The following PRKN variants were observed in gnomAD, a reference collection of about 807,000 sequenced individuals.
The protein encoded by PRKN is E3 ubiquitin-protein ligase parkin.
PRKN carries 56 observed loss-of-function variants against 59.5 expected under a neutral mutation model. That is an observed-to-expected ratio of 0.94 (90% confidence interval 0.76 to 1.18). The LOEUF (loss-of-function observed/expected upper bound fraction) is 1.18, where lower values mean the gene tolerates loss of function less well. Ranked by LOEUF, PRKN falls within the 50% of genes most tolerant of loss-of-function variation. PRKN has a pLI of 0.00. For synonymous variants in PRKN, 250 were observed against 222.1 expected (o/e 1.13, Z -1.12); for missense variants, 657 against 596.4 (o/e 1.10, Z -1.06).
chr6:161,625,804 C>T (rs115787767), intron 7 of PRKN, among the ~76,000 whole-genome samples: 4,834 of 152,124 alleles, frequency 0.032, 133 homozygotes, highest in South Asian at 0.075. Context: ...TCTGCTCAGG[C>T]CTATTCATAG....
intron 2 of PRKN, among the ~76,000 whole-genome samples, chr6:162,412,382 A>G (rs953126372): frequency 5.3e-5 from 8 of 151,952 alleles, no homozygotes; most frequent in African/African-American, 1.7e-4. Flanking sequence ...CACCCACAGG[A>G]AGTGGGGACT....
At chr6:161,959,516 A>T (rs922226568) in intron 6 of PRKN, among the ~76,000 whole-genome samples, 1 of 152,136 alleles carries the variant, frequency 6.6e-6, no homozygotes, top group African/African-American at 2.4e-5. Flanking sequence ...ATCTTTCCCA[A>T]ATACTTTTCT....
At chr6:161,662,980 A>G (rs762090181) in intron 7 of PRKN, among the ~76,000 whole-genome samples, 2 of 152,198 alleles carry the variant, frequency 1.3e-5, no homozygotes, top group South Asian at 2.1e-4. Flanking sequence ...AGGTAAGTGA[A>G]TCATAGGGGT....
chr6:162,578,228 C>A (rs1202014581), intron 1 of PRKN, among the ~76,000 whole-genome samples: 5 of 151,894 alleles, frequency 3.3e-5, no homozygotes, highest in African/African-American at 7.3e-5. Flanking sequence ...AAAACATGTA[C>A]AAAACTATGT....
chr6:162,417,001 TC>T (rs2128157575), intron 2 of PRKN, among the ~76,000 whole-genome samples: 1 of 152,270 alleles, frequency 6.6e-6, no homozygotes, highest in Non-Finnish European at 1.5e-5. Context: ...GCTCTTCTGC[TC>T]CAGCATCCTA....
At chr6:162,495,158 T>G (rs904578676) in intron 1 of PRKN, among the ~76,000 whole-genome samples, 1 of 152,232 alleles carries the variant, frequency 6.6e-6, no homozygotes, top group African/African-American at 2.4e-5. Flanking sequence ...AATTTTCCTC[T>G]TTCAGCTCTT....
chr6:161,640,584 T>C lies in PRKN; in HGVS notation c.872-71168A>G, dbSNP rs1000294926. Among the ~76,000 whole-genome samples, 18 of 152,274 alleles carry C rather than the reference T, an allele frequency of 1.2e-4. No homozygotes were observed. In the East Asian group the frequency reaches 3.5e-3, roughly 29 times the overall value. ...TCAGCTTGAGAATAAAAAGGGAGTATATCCCACTGGGACTCTGGCAGCAGT... is the reference window on the plus strand; with the variant it reads ...TCAGCTTGAGAATAAAAAGGGAGTACATCCCACTGGGACTCTGGCAGCAGT... On this transcript the variant is annotated intron_variant, in intron 7 of 11. Transcript: ENST00000366898.
intron 1 of PRKN, among the ~76,000 whole-genome samples, chr6:162,609,278 T>A (rs995434105): frequency 7.9e-5 from 12 of 152,292 alleles, no homozygotes; most frequent in African/African-American, 2.6e-4. Flanking sequence ...ATATTCCATC[T>A]CTTCCTGACC....
Position 161,676,229 on chromosome 6 carries a change from T to C in PRKN, c.872-106813A>G, listed in dbSNP as rs529679781. On this transcript the variant is annotated intron_variant, in intron 7 of 11. Coordinates refer to ENST00000366898, the MANE Select transcript of PRKN (RefSeq NM_004562.3). ...ACCCAAGAGAAGTAGGATGTAGTGCTATCTAACAATGTCTCTCCAACAAGG... is the reference window on the plus strand; with the variant it reads ...ACCCAAGAGAAGTAGGATGTAGTGCCATCTAACAATGTCTCTCCAACAAGG... 4.6e-5 allele frequency among the ~76,000 whole-genome samples: 7 copies of C among 152,382 alleles called. No homozygotes were observed. In the South Asian group the frequency reaches 1.4e-3, roughly 32 times the overall value.
intron 1 of PRKN, among the ~76,000 whole-genome samples, chr6:162,720,491 C>A (rs1288295131): frequency 6.8e-6 from 1 of 147,686 alleles, no homozygotes; most frequent in African/African-American, 2.5e-5. Flanking sequence ...TCGCCCAGGC[C>A]GGACTGCGGA....
At chr6:161,701,874 T>C (rs555300284) in intron 7 of PRKN, among the ~76,000 whole-genome samples, 1 of 152,272 alleles carries the variant, frequency 6.6e-6, no homozygotes, top group African/African-American at 2.4e-5. Flanking sequence ...AAAAAATCTA[T>C]GGGAATTTGA....
chr6:161,510,601 A>G (rs1778348650), intron 9 of PRKN, among the ~76,000 whole-genome samples: 2 of 152,228 alleles, frequency 1.3e-5, no homozygotes, highest in African/African-American at 4.8e-5. Context: ...TAGAAAGGCA[A>G]TTTAACCAAA....
chr6:161,716,549 T>G (rs1401177796), intron 7 of PRKN, among the ~76,000 whole-genome samples: 1 of 152,246 alleles, frequency 6.6e-6, no homozygotes, highest in Non-Finnish European at 1.5e-5. Flanking sequence ...TAAGCCCATC[T>G]GTCAACAGGC....
chr6:162,399,804 G>A (rs576474698), intron 2 of PRKN, among the ~76,000 whole-genome samples: 8 of 151,944 alleles, frequency 5.3e-5, no homozygotes, highest in Admixed American at 3.3e-4. Flanking sequence ...ATAAAAATAA[G>A]ATGTGAAGTG....
At chr6:162,130,742 C>A (rs1282417011) in intron 4 of PRKN, among the ~76,000 whole-genome samples, 1 of 152,144 alleles carries the variant, frequency 6.6e-6, no homozygotes, top group African/African-American at 2.4e-5. Context: ...AGTCTCACTT[C>A]TAGGTTTACC....
intron 6 of PRKN, among the ~76,000 whole-genome samples, chr6:161,897,892 G>A (rs1355040743): frequency 5.6e-5 from 8 of 143,632 alleles, no homozygotes; most frequent in African/African-American, 1.1e-4. Flanking sequence ...GCGTGAACCC[G>A]GGAGGCGGAG....
At chr6:161,706,106 C>T (rs1333187438) in intron 7 of PRKN, among the ~76,000 whole-genome samples, 1 of 152,016 alleles carries the variant, frequency 6.6e-6, no homozygotes, top group Non-Finnish European at 1.5e-5. Context: ...CCTCCTTTCC[C>T]CCCACATCCT....
intron 1 of PRKN, among the ~76,000 whole-genome samples, chr6:162,614,584 A>G (rs1782324742): frequency 6.6e-6 from 1 of 152,204 alleles, no homozygotes; most frequent in African/African-American, 2.4e-5. Context: ...AAACATAAAA[A>G]TATTTTTAAG....
At chr6:162,135,428 C>T (rs1189314081) in intron 4 of PRKN, among the ~76,000 whole-genome samples, 1 of 152,146 alleles carries the variant, frequency 6.6e-6, no homozygotes, top group Non-Finnish European at 1.5e-5. Flanking sequence ...TAAATTAGAT[C>T]CTAGCTCTTC....
Sources: allele counts gnomAD v4.1 joint callset (sites outside exome capture counted in the v4.1 genomes callset), GRCh38; gene constraint gnomAD v4.1.1; transcripts MANE v1.5; gene names NCBI Gene and HGNC (gene_info 2026-07-23, HGNC 2026-07-21).